The following KXD1 variants were observed in gnomAD, a reference collection of about 807,000 sequenced individuals.
KXD1 encodes KxDL motif containing 1.
Under a neutral mutation model 12.1 loss-of-function variants are expected in KXD1, and 5 were observed. That is an observed-to-expected ratio of 0.41 (90% CI 0.22 to 0.87). KXD1 has a LOEUF of 0.87. Among genes scored for constraint, KXD1 ranks in the 40% least tolerant of loss-of-function variants. The pLI is 0.31. For missense variants in KXD1, 193 were observed against 244.9 expected, an observed-to-expected ratio of 0.79 and a Z score of 1.41; for synonymous variants, 98 against 100.5, an observed-to-expected ratio of 0.98 and a Z score of 0.15.
intron 4 of KXD1, among the ~76,000 whole-genome samples, chr19:18,568,198 C>T (rs929694061): frequency 2.7e-5 from 4 of 147,102 alleles, no homozygotes; most frequent in African/African-American, 7.6e-5. Context: ...ACCCGGGAGA[C>T]GGAGGTTGCA....
At position 18,568,799 on chromosome 19, in the gene KXD1, G is replaced by A; in HGVS notation, c.*168G>A. The A allele has an allele frequency of 1.7e-6, 1 of 602,098 alleles. No individual in the cohort carries two copies. Among genetic ancestry groups the A allele is most frequent in the Non-Finnish European group, 2.9e-6 (1 of 340,252 alleles). The allele number at this position is 602,098 out of a possible 1,614,324, so 37.3% of individuals were successfully genotyped here. On this transcript the variant is annotated 3_prime_UTR_variant, in exon 5 of 5. Coordinates refer to ENST00000222307, the MANE Select transcript of KXD1 (RefSeq NM_024069.4). ...CCGAGGGGTGTGGAATTCCTGGGGG[G>A]GTCTTTAATTCTGGCTCCTTCCTTC...
rs114778376 is a variant in KXD1, at chr19:18,567,530, C to T, written c.301+352C>T. ...TCTCGCCTTCCCTGAGCCCCAGCTT[C>T]GAGGATCTGTCCCATGTCCAGCTGT... On this transcript the variant is annotated intron_variant, in intron 4 of 4. Coordinates refer to ENST00000222307, the MANE Select transcript of KXD1 (RefSeq NM_024069.4). Among the ~76,000 whole-genome samples the T allele has an allele frequency of 6.6e-3, 1,007 of 152,298 alleles. 9 individuals carry two copies. The highest frequency in any genetic ancestry group is 0.023 in the African/African-American group (943 of 41,550).
Position 18,568,746 on chromosome 19 carries a change from A to G in KXD1, c.*115A>G. ...CCTTTGCTGCCCCGTTCTGTCACCC[A>G]GGGCTCCTAGGGGGACAAGGCTCTC... is the stretch of plus-strand genomic sequence containing the variant. On this transcript the variant is annotated 3_prime_UTR_variant, in exon 5 of 5. Transcript: ENST00000222307. 1.4e-6 allele frequency: 1 copy of G among 731,608 alleles called. No individual in the cohort carries two copies. Among genetic ancestry groups the G allele is most frequent in the Non-Finnish European group, 2.2e-6 (1 of 447,460 alleles). The allele number at this position is 731,608 out of a possible 1,614,324, so 45.3% of individuals were successfully genotyped here.
At chr19:18,559,324 T>C (rs1056801818) in intron 1 of KXD1, 7 of 152,134 alleles carry the variant, frequency 4.6e-5, no homozygotes, top group Non-Finnish European at 1.0e-4. Context: ...TTTGGGAATG[T>C]GGAGACTGGG....
At chr19:18,561,972 C>A in intron 1 of KXD1, 64 bp from the exon 2 acceptor site, 2 of 1,089,102 alleles carry the variant, frequency 1.8e-6, no homozygotes, top group Non-Finnish European at 1.3e-6. Context: ...CGGTCCCGGC[C>A]TGGCCTCTTG....
rs146516426 is a variant in KXD1 at position 18,568,182 on chromosome 19, G to A, written c.302-220G>A. Among the ~76,000 whole-genome samples the A allele has an allele frequency of 3.5e-3, 530 of 151,192 alleles. 3 individuals carry two copies. Among genetic ancestry groups the A allele is most frequent in the African/African-American group, 0.012 (506 of 41,094 alleles). ...CTCAGGAGGTTAAGGCAGAAGAATC[G>A]CTTGAACCCGGGAGACGGAGGTTGC... On this transcript the variant is annotated intron_variant, in intron 4 of 4. Coordinates refer to ENST00000222307, the MANE Select transcript of KXD1 (RefSeq NM_024069.4).
chr19:18,567,280 G>C, intron 4 of KXD1, 102 bp downstream of exon 4: 1 of 1,194,114 alleles, frequency 8.4e-7, no homozygotes, highest in South Asian at 1.3e-5. Flanking sequence ...AGACCAGGCT[G>C]TAATGGGCAG....
chr19:18,566,051 G>A (rs532374438), intron 3 of KXD1, among the ~76,000 whole-genome samples: 4 of 152,076 alleles, frequency 2.6e-5, no homozygotes, highest in Admixed American at 1.3e-4. Context: ...GGCTCATCTC[G>A]AAGTCCTGGC....
At chr19:18,561,130 C>T (rs927606235) in intron 1 of KXD1, among the ~76,000 whole-genome samples, 4 of 152,096 alleles carry the variant, frequency 2.6e-5, no homozygotes, top group African/African-American at 9.7e-5. Flanking sequence ...TGGCTGGGCG[C>T]AGTGGCTCAG....
chr19:18,567,393 G>A, intron 4 of KXD1: 2 of 653,696 alleles, frequency 3.1e-6, no homozygotes, highest in Admixed American at 4.6e-5. Context: ...TGCCCCGTGG[G>A]GAGGCCGCAC....
chr19:18,557,914 G>C lies in KXD1; in HGVS notation c.-22G>C, dbSNP rs1976985528. 6.6e-6 allele frequency: 1 copy of C among 152,286 alleles called. No homozygotes were observed. The highest frequency in any genetic ancestry group is 1.5e-5 in the Non-Finnish European group (1 of 68,074). 9.4% of individuals were successfully genotyped at this position (152,286 alleles called of 1,614,324 possible). ...CGCGAGCAAGGCCGCCAGATGTGCA[G>C]GTGCCGCCGCTACCGACGCCGGGGC... On this transcript the variant is annotated splice_region_variant and 5_prime_UTR_variant, in exon 1 of 5. Coordinates refer to ENST00000222307, the MANE Select transcript of KXD1 (RefSeq NM_024069.4).
chr19:18,565,859 T>G (rs1342410475), intron 3 of KXD1, among the ~76,000 whole-genome samples: 1 of 152,144 alleles, frequency 6.6e-6, no homozygotes, highest in Non-Finnish European at 1.5e-5. Context: ...AGCTGATTTT[T>G]TGTATTTTAG....
intron 2 of KXD1, 102 bp from the exon 3 acceptor site, chr19:18,564,767 G>T: frequency 7.5e-7 from 1 of 1,327,258 alleles, no homozygotes; most frequent in Admixed American, 1.8e-5. Flanking sequence ...CCATGCAAAG[G>T]TTGTGAAGCA....
intron 1 of KXD1, chr19:18,558,351 C>T (rs1360820604): frequency 6.6e-6 from 1 of 152,156 alleles, no homozygotes; most frequent in African/African-American, 2.4e-5. Flanking sequence ...CTGCCTCTCC[C>T]TGTGAGTTTC....
chr19:18,559,666 G>A (rs1974846066), intron 1 of KXD1: 1 of 152,166 alleles, frequency 6.6e-6, no homozygotes, highest in South Asian at 2.1e-4. Context: ...ACACCTTTGT[G>A]AGACCCGTGG....
In KXD1 at chr19:18,562,033, C is replaced by T; in HGVS notation, c.-21-3C>T. On this transcript the variant is annotated splice_region_variant and splice_polypyrimidine_tract_variant and intron_variant, in intron 1 of 4. Transcript: ENST00000222307. The stretch of plus-strand genomic sequence containing the variant: ...CAGACCACTCTGTTCTTGCCTGTTT[C>T]AGGCAGCGGAGGAGGAGAAAGAGAT... 4.4e-6 allele frequency: 7 copies of T among 1,598,190 alleles called. No individual in the cohort carries two copies. The highest frequency in any genetic ancestry group is 6.0e-6 in the Non-Finnish European group (7 of 1,168,636).
intron 1 of KXD1, chr19:18,558,725 T>C (rs930219675): frequency 6.6e-6 from 1 of 152,134 alleles, no homozygotes; most frequent in African/African-American, 2.4e-5. Flanking sequence ...AAATCTACAT[T>C]TGGAGTTGGG....
At chr19:18,566,853 G>A (rs1975265736) in intron 3 of KXD1, among the ~76,000 whole-genome samples, 1 of 152,148 alleles carries the variant, frequency 6.6e-6, no homozygotes, top group Non-Finnish European at 1.5e-5. Flanking sequence ...CTCGCAGGGG[G>A]AGCCCCCAGC....
At position 18,564,317 on chromosome 19, in the gene KXD1, G is replaced by C. The variant is rs74444631; in HGVS notation, c.102-552G>C. Among the ~76,000 whole-genome samples the C allele has an allele frequency of 8.4e-3, 1,281 of 152,226 alleles. 17 individuals are homozygous for C. The highest frequency in any genetic ancestry group is 0.029 in the African/African-American group (1,220 of 41,542). On this transcript the variant is annotated intron_variant, in intron 2 of 4. Coordinates refer to ENST00000222307, the MANE Select transcript of KXD1 (RefSeq NM_024069.4). ...GGGCCAGAGGAACAACCTGGGGCTA[G>C]TGGAATTAAAAGAGTCTGATTGGGC...
Sources: allele counts gnomAD v4.1 joint callset (sites outside exome capture counted in the v4.1 genomes callset), GRCh38; gene constraint gnomAD v4.1.1; transcripts MANE v1.5; gene names NCBI Gene and HGNC (gene_info 2026-07-23, HGNC 2026-07-21).